FAM53A: variants seen among roughly 807,000 people sequenced by gnomAD.
FAM53A encodes the protein protein FAM53A.
A neutral mutation model predicts 26.6 loss-of-function variants in FAM53A; 28 were observed. The observed-to-expected ratio is 1.05, with a 90% CI of 0.78 to 1.45. FAM53A has a LOEUF of 1.45. FAM53A is among the 40% of genes most tolerant of loss of function. The pLI is 0.00. For missense variants in FAM53A, 650 were observed against 575.8 expected, an observed-to-expected ratio of 1.13 and a Z score of -1.32; for synonymous variants, 290 against 253.1, an observed-to-expected ratio of 1.15 and a Z score of -1.38.
At chr4:1,683,118 C>T (rs375784597) in intron 1 of FAM53A, among the ~76,000 whole-genome samples, 2 of 152,238 alleles carry the variant, frequency 1.3e-5, no homozygotes, top group African/African-American at 4.8e-5. Flanking sequence ...GGGAAAACTA[C>T]AATTGTCTGA....
chr4:1,615,456 G>A (rs895741779), downstream of FAM53A, among the ~76,000 whole-genome samples: 10 of 146,292 alleles, frequency 6.8e-5, no homozygotes, highest in Non-Finnish European at 1.3e-4. Flanking sequence ...CCCTACGTGG[G>A]CACACATGGA....
intron 1 of FAM53A, among the ~76,000 whole-genome samples, chr4:1,625,859 C>T (rs543166867): frequency 9.2e-5 from 14 of 152,296 alleles, no homozygotes; most frequent in South Asian, 8.3e-4. Flanking sequence ...CTGAAGCCAC[C>T]GCCCTGGCCA....
intron 1 of FAM53A, among the ~76,000 whole-genome samples, chr4:1,627,752 T>C (rs1715372550): frequency 6.6e-6 from 1 of 152,048 alleles, no homozygotes; most frequent in Non-Finnish European, 1.5e-5. Flanking sequence ...CACCACCCCC[T>C]TGCCCTCTGG....
At chr4:1,678,582 G>A (rs11942490) in intron 1 of FAM53A, among the ~76,000 whole-genome samples, 13,240 of 152,218 alleles carry the variant, frequency 0.087, 1,673 homozygotes, top group African/African-American at 0.28. Context: ...AGCACTTTGG[G>A]AGCCCGAGGT....
chr4:1,577,613 C>G, the FAM53A span, among the ~76,000 whole-genome samples: 2 of 152,192 alleles, frequency 1.3e-5, no homozygotes, highest in African/African-American at 4.8e-5. Flanking sequence ...GCAGGTTCCC[C>G]GGCTGCCTGT....
the FAM53A span, among the ~76,000 whole-genome samples, chr4:1,584,154 C>A: frequency 6.6e-6 from 1 of 152,216 alleles, no homozygotes; most frequent in Non-Finnish European, 1.5e-5. Flanking sequence ...CTATCGAATT[C>A]TTTGTCAAAC....
chr4:1,619,590 G>A (rs140044342), intron 1 of FAM53A, among the ~76,000 whole-genome samples: 44 of 152,278 alleles, frequency 2.9e-4, no homozygotes, highest in Admixed American at 6.5e-4. Context: ...CCCTGCAATC[G>A]GCTTCTCAGG....
At position 1,646,224 on chromosome 4, in the gene FAM53A, C is replaced by T. The variant is rs924994207; in HGVS notation, c.883-4617G>A. On this transcript the variant is annotated intron_variant, in intron 4 of 4. Transcript: ENST00000308132. The stretch of plus-strand genomic sequence containing the variant: ...CAGGCCATTCTCCTGCCTCAGCCTC[C>T]CAAGTAGCTGGGAATACAGGCGTCC... Among the ~76,000 whole-genome samples, 4 of 152,162 alleles carry T rather than the reference C, an allele frequency of 2.6e-5. No individual in the cohort carries two copies. The South Asian group carries it at 8.3e-4, about 32-fold the overall frequency.
intron 1 of FAM53A, among the ~76,000 whole-genome samples, chr4:1,631,547 C>T (rs1403124304): frequency 1.3e-5 from 2 of 152,354 alleles, no homozygotes; most frequent in East Asian, 3.9e-4. Flanking sequence ...GAAACAGCCT[C>T]TGAGCTGAAG....
chr4:1,636,542 C>T (rs1159772108), downstream of FAM53A, among the ~76,000 whole-genome samples: 5 of 152,356 alleles, frequency 3.3e-5, no homozygotes, highest in Non-Finnish European at 4.4e-5. Flanking sequence ...CTCACTCCTG[C>T]GCTCTCCACC....
chr4:1,600,836 T>C, the FAM53A span, among the ~76,000 whole-genome samples: 1 of 152,038 alleles, frequency 6.6e-6, no homozygotes, highest in Non-Finnish European at 1.5e-5. Context: ...TCGCTGTGTC[T>C]TCCATCTTAG....
chr4:1,654,547 C>A (rs1470457382), intron 4 of FAM53A, among the ~76,000 whole-genome samples: 1 of 152,252 alleles, frequency 6.6e-6, no homozygotes, highest in African/African-American at 2.4e-5. Flanking sequence ...CCAGCTCCCA[C>A]AAGAGAGGAC....
chr4:1,664,549 T>A (rs1714082828), intron 2 of FAM53A, among the ~76,000 whole-genome samples: 1 of 152,254 alleles, frequency 6.6e-6, no homozygotes, highest in African/African-American at 2.4e-5. Context: ...TACTGACTTG[T>A]TTCCTTGAAT....
downstream of FAM53A, among the ~76,000 whole-genome samples, chr4:1,639,350 T>G (rs954309316): frequency 6.6e-6 from 1 of 152,100 alleles, no homozygotes; most frequent in East Asian, 1.9e-4. Context: ...GGAGCTGATC[T>G]CCACAAATTT....
rs149221758 is a variant in FAM53A, at chr4:1,651,392, C to A, written c.882+3586G>T. On this transcript the variant is annotated intron_variant, in intron 4 of 4. Coordinates refer to ENST00000308132, the MANE Select transcript of FAM53A (RefSeq NM_001174070.3). ...ATTAAAAATACAAATATTAGCCAAG[C>A]GTGGTGGTGCATGCCTGCAACCCCA... Among the ~76,000 whole-genome samples, 681 of 151,872 alleles carry A rather than the reference C, an allele frequency of 4.5e-3. 4 individuals carry two copies. Among genetic ancestry groups the A allele is most frequent in the African/African-American group, 0.015 (639 of 41,396 alleles).
At chr4:1,608,673 G>A in the FAM53A span, among the ~76,000 whole-genome samples, 20 of 152,150 alleles carry the variant, frequency 1.3e-4, 1 homozygote, top group South Asian at 1.7e-3. Flanking sequence ...TAACGGCTCC[G>A]GCACCTGACA....
intron 1 of FAM53A, among the ~76,000 whole-genome samples, chr4:1,672,098 C>G (rs1714706512): frequency 6.6e-6 from 1 of 151,654 alleles, no homozygotes; most frequent in Non-Finnish European, 1.5e-5. Flanking sequence ...ACCCACGAAC[C>G]CAGGAACCCA....
At chr4:1,600,122 C>A in the FAM53A span, among the ~76,000 whole-genome samples, 107 of 152,186 alleles carry the variant, frequency 7.0e-4, no homozygotes, top group South Asian at 1.7e-3. Context: ...AGGCACTCAG[C>A]TGAGCCGAGG....
chr4:1,630,797 C>T lies in FAM53A; in HGVS notation c.432-12686G>A, dbSNP rs763691323. 3.9e-5 allele frequency among the ~76,000 whole-genome samples: 6 copies of T among 152,042 alleles called. No individual in the cohort carries two copies. Among genetic ancestry groups the T allele is most frequent in the Admixed American group, 6.6e-5 (1 of 15,258 alleles). On this transcript the variant is annotated intron_variant, in intron 1 of 1. Coordinates refer to the FAM53A transcript ENST00000489029. The surrounding 1 kb of genome is among the most constrained non-coding windows in gnomAD (Gnocchi z 4.3). The stretch of plus-strand genomic sequence containing the variant: ...CTCGTGGGGAGGGGGCTCATTTGGG[C>T]GATGGGATAAAATGGTTTGGAACCA...
Sources: allele counts gnomAD v4.1 joint callset (sites outside exome capture counted in the v4.1 genomes callset), GRCh38; gene constraint gnomAD v4.1.1; non-coding constraint Gnocchi (gnomAD v3.1); transcripts MANE v1.5; gene names NCBI Gene and HGNC (gene_info 2026-07-23, HGNC 2026-07-21).